Variants in OTULIN observed in about 807,000 individuals in gnomAD.
The protein encoded by OTULIN is OTU deubiquitinase with linear linkage specificity, also known as ubiquitin thioesterase otulin.
A neutral mutation model predicts 39.6 loss-of-function variants in OTULIN; 15 were observed. The observed-to-expected ratio is 0.38, with a 90% CI of 0.25 to 0.58. OTULIN has a LOEUF of 0.58. Ranked by LOEUF, OTULIN falls within the 20% of genes least tolerant of loss-of-function variation. The pLI, the probability that OTULIN is intolerant of heterozygous loss-of-function variation, is 0.66. For missense variants in OTULIN, 319 were observed against 445.9 expected, an observed-to-expected ratio of 0.72 and a Z score of 2.56; for synonymous variants, 156 against 170.3, an observed-to-expected ratio of 0.92 and a Z score of 0.65.
the OTULIN span, chr5:14,711,446 G>A: frequency 2.5e-4 from 183 of 732,890 alleles, 1 homozygote; most frequent in Admixed American, 1.7e-3. Flanking sequence ...TTGGGGTGGC[G>A]TCACCTCTTT....
the OTULIN span, among the ~76,000 whole-genome samples, chr5:14,714,234 C>T: frequency 6.6e-6 from 1 of 152,210 alleles, no homozygotes; most frequent in South Asian, 2.1e-4. Context: ...ATGGTGTGGG[C>T]CCTCGTTGGT....
downstream of OTULIN, among the ~76,000 whole-genome samples, chr5:14,701,631 CT>C (rs1021196837): frequency 1.3e-5 from 2 of 152,204 alleles, no homozygotes; most frequent in African/African-American, 4.8e-5. Context: ...ACTCTTGGTA[CT>C]TTTTTGCCCT....
the OTULIN span, chr5:14,711,156 C>CCTGA: frequency 2.5e-5 from 37 of 1,504,964 alleles, no homozygotes; most frequent in African/African-American, 4.5e-4. Flanking sequence ...GAAGTGTCAT[C>CCTGA]CTGACTGACT....
At chr5:14,665,544 AGAC>A (rs202133969) in intron 1 of OTULIN, among the ~76,000 whole-genome samples, 2,569 of 152,314 alleles carry the variant, frequency 0.017, 33 homozygotes, top group Non-Finnish European at 0.029. Context: ...TGTACTGTGA[AGAC>A]GACGATTTGG....
chr5:14,665,690 A>T lies in OTULIN; in HGVS notation c.152+713A>T, dbSNP rs554845688. ...TTGGAATTTAAGAAATTATGAAAGC[A>T]CACAGACAGCCAGTTTGACAGATAT... is the stretch of plus-strand genomic sequence containing the variant. On this transcript the variant is annotated intron_variant, in intron 1 of 6. Transcript: ENST00000284274. Among the ~76,000 whole-genome samples, 109 of 152,328 alleles carry T rather than the reference A, an allele frequency of 7.2e-4. No homozygotes were observed. In the Middle Eastern group the frequency reaches 0.01, roughly 14 times the overall value.
At chr5:14,674,498 G>C (rs1002004587) in intron 2 of OTULIN, among the ~76,000 whole-genome samples, 1 of 152,266 alleles carries the variant, frequency 6.6e-6, no homozygotes, top group African/African-American at 2.4e-5. Context: ...GATCATGCCC[G>C]TAATCCCAGC....
intron 5 of OTULIN, 47 bp downstream of exon 5, chr5:14,687,693 C>G (rs1426963697): frequency 1.3e-6 from 2 of 1,529,070 alleles, no homozygotes; most frequent in African/African-American, 2.8e-5. Context: ...AGCTCTCGTT[C>G]TTGCTTGCCC....
downstream of OTULIN, among the ~76,000 whole-genome samples, chr5:14,703,958 C>T (rs898645889): frequency 6.6e-6 from 1 of 152,156 alleles, no homozygotes; most frequent in Non-Finnish European, 1.5e-5. Flanking sequence ...TGTAATGAAA[C>T]ACTTTCTACA....
At chr5:14,701,561 G>C (rs143665898), downstream of OTULIN, among the ~76,000 whole-genome samples, 269 of 152,328 alleles carry the variant, frequency 1.8e-3, 1 homozygote, top group African/African-American at 6.1e-3. Context: ...CCCAGAAGGA[G>C]TGGGACTCAG....
downstream of OTULIN, among the ~76,000 whole-genome samples, chr5:14,703,979 AG>A (rs1205373732): frequency 6.6e-6 from 1 of 152,172 alleles, no homozygotes; most frequent in Non-Finnish European, 1.5e-5. Context: ...ATGTCTTATG[AG>A]GAGCTAAAAA....
At chr5:14,712,780 G>T in the OTULIN span, 3 of 1,275,268 alleles carry the variant, frequency 2.4e-6, no homozygotes, top group Non-Finnish European at 3.3e-6. Context: ...CCCCACTGAC[G>T]AACGCCACCA....
At chr5:14,682,339 A>C (rs966033070) in intron 4 of OTULIN, among the ~76,000 whole-genome samples, 5 of 152,176 alleles carry the variant, frequency 3.3e-5, no homozygotes, top group African/African-American at 1.2e-4. Flanking sequence ...CAAAAAAAGA[A>C]ATGGCCACAG....
intron 4 of OTULIN, among the ~76,000 whole-genome samples, chr5:14,683,564 G>A (rs1736310862): frequency 6.6e-6 from 1 of 151,960 alleles, no homozygotes; most frequent in South Asian, 2.1e-4. Context: ...AGATATATAT[G>A]ACACAATTTC....
In OTULIN at chr5:14,664,899, C is replaced by T. The variant is rs1187950642; in HGVS notation, c.74C>T (p.Ala25Val). The change falls in exon 1 of 7, where the codon GCG becomes GTG. Residue 25 changes from alanine (A) to valine (V), a missense_variant. Around this residue, in one of 4 missense-constraint regions of OTULIN, gnomAD observed 132 missense variants for 143.7 expected, o/e 0.92. Coordinates refer to ENST00000284274, the MANE Select transcript of OTULIN (RefSeq NM_138348.6). ...TGCGCCGAGACGCCGGCGCGGGAGG[C>T]GGCGGCCACGGCGCGGGACGGCGGG... ...ASCAETPAREAAATARDGGKA... is the reference protein window; with the variant it reads ...ASCAETPAREVAATARDGGKA... 4 of 1,165,782 alleles carry T rather than the reference C, an allele frequency of 3.4e-6. No individual in the cohort carries two copies. The highest frequency in any genetic ancestry group is 4.2e-6 in the Non-Finnish European group (4 of 954,298). 72.2% of individuals were successfully genotyped at this position (1,165,782 alleles called of 1,614,324 possible).
At chr5:14,674,679 T>C (rs1056258930) in intron 2 of OTULIN, among the ~76,000 whole-genome samples, 1 of 152,036 alleles carries the variant, frequency 6.6e-6, no homozygotes. Flanking sequence ...CGCTTGAGCC[T>C]GGGAGTTTGA....
At chr5:14,672,426 GT>G (rs1377837632) in intron 1 of OTULIN, among the ~76,000 whole-genome samples, 1 of 152,038 alleles carries the variant, frequency 6.6e-6, no homozygotes, top group Non-Finnish European at 1.5e-5. Flanking sequence ...TCCCCCAGCT[GT>G]ACTAGGCCAT....
chr5:14,677,841 A>G (rs528864274), intron 2 of OTULIN, among the ~76,000 whole-genome samples: 26 of 152,330 alleles, frequency 1.7e-4, no homozygotes, highest in South Asian at 1.4e-3. Context: ...TTCTTTGTAT[A>G]ATGGTTATAA....
intron 3 of OTULIN, among the ~76,000 whole-genome samples, chr5:14,680,315 A>G (rs746414117): frequency 7.2e-5 from 11 of 152,208 alleles, no homozygotes; most frequent in Non-Finnish European, 1.3e-4. Flanking sequence ...AAGTACTTTT[A>G]TATTCACTTA....
At position 14,698,164 on chromosome 5, in the gene OTULIN, G is replaced by A. The variant is rs1180075397; in HGVS notation, c.*5116G>A. The A allele has an allele frequency of 6.6e-6, 1 of 152,102 alleles. No individual in the cohort carries two copies. Among genetic ancestry groups the A allele is most frequent in the Non-Finnish European group, 1.5e-5 (1 of 68,010 alleles). The allele number at this position is 152,102 out of a possible 1,614,324, so 9.4% of individuals were successfully genotyped here. The stretch of plus-strand genomic sequence containing the variant: ...GCATTTTAGCCACTTCTAACTTTTT[G>A]TATTATGAATTTGGAGAGGATAACA... On this transcript the variant is annotated 3_prime_UTR_variant, in exon 7 of 7. Coordinates refer to ENST00000284274, the MANE Select transcript of OTULIN (RefSeq NM_138348.6).
Sources: gnomAD v4.1 joint callset for allele counts (sites outside exome capture counted in the v4.1 genomes callset) on GRCh38, gnomAD v4.1.1 for gene constraint, gnomAD v4.1.1 regional missense constraint, MANE v1.5 for transcripts, NCBI Gene and HGNC (gene_info 2026-07-23, HGNC 2026-07-21) for gene names.